The following ATXN1 variants were observed in gnomAD, a reference collection of about 807,000 sequenced individuals.
ATXN1 encodes ataxin-1.
In ATXN1, 8 loss-of-function variants were observed where a neutral mutation model predicts 56.4. That is an observed-to-expected ratio of 0.14 (90% CI 0.08 to 0.26). The LOEUF (loss-of-function observed/expected upper bound fraction) is 0.26, where lower values mean the gene tolerates loss of function less well. Among genes scored for constraint, ATXN1 ranks in the 10% least tolerant of loss-of-function variants. The pLI, the probability that ATXN1 is intolerant of heterozygous loss-of-function variation, is 1.00. For synonymous variants in ATXN1, 514 were observed against 494.6 expected (o/e 1.04, Z -0.52); for missense variants, 987 against 1,106.5 (o/e 0.89, Z 1.53).
intron 3 of ATXN1, chr6:16,616,260 C>A (rs1360085746): frequency 6.6e-6 from 1 of 152,020 alleles, no homozygotes; most frequent in Non-Finnish European, 1.5e-5. Flanking sequence ...GGTCAGTTGA[C>A]CAGGCACAGT....
rs566017238 is a variant in ATXN1, at chr6:16,452,015, G to A, written c.-161+33957C>T. Among the ~76,000 whole-genome samples, 18 of 152,260 alleles carry A rather than the reference G, an allele frequency of 1.2e-4. No individual in the cohort carries two copies. In the South Asian group the frequency reaches 3.3e-3, roughly 28 times the overall value. ...CCTCACTAGGGAAGTCCCCTTAGGC[G>A]TCCGAATGTCAGGCCGTTCTTAGAT... On this transcript the variant is annotated intron_variant, in intron 6 of 7. Transcript: ENST00000436367.
intron 4 of ATXN1, among the ~76,000 whole-genome samples, chr6:16,524,301 T>C (rs1162110416): frequency 6.6e-6 from 1 of 152,226 alleles, no homozygotes; most frequent in Non-Finnish European, 1.5e-5. Context: ...ACAAAGGTTA[T>C]GCTCCAATTG....
chr6:16,358,868 C>T (rs1002875953), intron 6 of ATXN1, among the ~76,000 whole-genome samples: 16 of 152,232 alleles, frequency 1.1e-4, no homozygotes, highest in Non-Finnish European at 1.5e-4. Context: ...GCCGCACCCA[C>T]GGCTGCAGAC....
chr6:16,617,629 T>C (rs763199847), intron 3 of ATXN1, among the ~76,000 whole-genome samples: 1 of 151,760 alleles, frequency 6.6e-6, no homozygotes, highest in Non-Finnish European at 1.5e-5. Context: ...TAGCCGGGCG[T>C]GGTGGCGGGC....
At chr6:16,761,268 T>A (rs1417432606) in intron 1 of ATXN1, 30 bp downstream of exon 1, 1 of 435,868 alleles carries the variant, frequency 2.3e-6, no homozygotes. Context: ...GGGGAAAGAA[T>A]CGGAGGAGGA....
chr6:16,686,202 A>G, intron 2 of ATXN1, among the ~76,000 whole-genome samples: 2 of 152,358 alleles, frequency 1.3e-5, no homozygotes, highest in Middle Eastern at 6.8e-3. Context: ...CAGATTATTT[A>G]TAGTCATCCC....
At chr6:16,631,433 C>T (rs148730939) in intron 3 of ATXN1, among the ~76,000 whole-genome samples, 1 of 152,172 alleles carries the variant, frequency 6.6e-6, no homozygotes, top group Non-Finnish European at 1.5e-5. Flanking sequence ...CCCCTTGAGT[C>T]CCTTGAATAT....
At chr6:16,652,864 C>T (rs543686769) in intron 3 of ATXN1, 15 of 152,140 alleles carry the variant, frequency 9.9e-5, no homozygotes, top group Non-Finnish European at 1.5e-5. Flanking sequence ...CCTTTCTGCT[C>T]GCCAAACCTC....
chr6:16,331,086 C>T (rs536918396), intron 6 of ATXN1, among the ~76,000 whole-genome samples: 257 of 152,174 alleles, frequency 1.7e-3, no homozygotes, highest in African/African-American at 5.3e-3. Flanking sequence ...CTGCAACCTC[C>T]GCCTCCCGGG....
chr6:16,403,363 T>A (rs1306582312), intron 6 of ATXN1, among the ~76,000 whole-genome samples: 1 of 152,120 alleles, frequency 6.6e-6, no homozygotes, highest in Non-Finnish European at 1.5e-5. Context: ...TAAAAAAAAA[T>A]TTTTTAAGAC....
intron 4 of ATXN1, among the ~76,000 whole-genome samples, chr6:16,530,836 G>A (rs1022861783): frequency 4.6e-5 from 7 of 152,142 alleles, no homozygotes; most frequent in Non-Finnish European, 1.0e-4. Flanking sequence ...CTGTGTTCAC[G>A]GGTGGGTATG....
intron 7 of ATXN1, among the ~76,000 whole-genome samples, chr6:16,310,485 C>A (rs1356458241): frequency 6.6e-6 from 1 of 152,082 alleles, no homozygotes; most frequent in East Asian, 1.9e-4. Flanking sequence ...TTGTTGGATT[C>A]TTTTTTTCTT....
At chr6:16,334,660 T>A (rs1581696753) in intron 6 of ATXN1, among the ~76,000 whole-genome samples, 1 of 152,134 alleles carries the variant, frequency 6.6e-6, no homozygotes, top group South Asian at 2.1e-4. Flanking sequence ...GAGGCTGCAG[T>A]GAGCCATGAT....
At chr6:16,580,374 T>C (rs1216441157) in intron 4 of ATXN1, among the ~76,000 whole-genome samples, 1 of 152,220 alleles carries the variant, frequency 6.6e-6, no homozygotes, top group Non-Finnish European at 1.5e-5. Flanking sequence ...TAGAATACTG[T>C]CATTTTGATA....
At chr6:16,574,498 C>T (rs1265401232) in intron 4 of ATXN1, among the ~76,000 whole-genome samples, 8 of 152,128 alleles carry the variant, frequency 5.3e-5, no homozygotes, top group East Asian at 1.9e-4. Flanking sequence ...CATGAGCCAC[C>T]GCACCCGGCC....
At chr6:16,502,366 G>C (rs1760901643) in intron 5 of ATXN1, among the ~76,000 whole-genome samples, 1 of 152,140 alleles carries the variant, frequency 6.6e-6, no homozygotes, top group East Asian at 1.9e-4. Context: ...TCTTGAAAAT[G>C]ATTTGTGCAG....
At chr6:16,649,719 A>G (rs1763861449) in intron 3 of ATXN1, among the ~76,000 whole-genome samples, 1 of 152,206 alleles carries the variant, frequency 6.6e-6, no homozygotes, top group Non-Finnish European at 1.5e-5. Context: ...AAACATTTTT[A>G]ATATCTTACC....
chr6:16,579,297 G>A (rs758102457), intron 4 of ATXN1, among the ~76,000 whole-genome samples: 5 of 152,098 alleles, frequency 3.3e-5, no homozygotes, highest in African/African-American at 7.2e-5. Context: ...TAAAATGCAC[G>A]GGGAAAACAG....
At chr6:16,676,465 A>T (rs1229736677) in intron 2 of ATXN1, among the ~76,000 whole-genome samples, 1 of 152,184 alleles carries the variant, frequency 6.6e-6, no homozygotes, top group Non-Finnish European at 1.5e-5. Flanking sequence ...CATCCTTTTA[A>T]ATGTTAGGGA....
Sources: allele counts gnomAD v4.1 joint callset (sites outside exome capture counted in the v4.1 genomes callset), GRCh38; gene constraint gnomAD v4.1.1; transcripts MANE v1.5; gene names NCBI Gene and HGNC (gene_info 2026-07-23, HGNC 2026-07-21).